The following AFF3 variants were observed in gnomAD, a reference collection of about 807,000 sequenced individuals.
AFF3 encodes ALF transcription elongation factor 3.
Under a neutral mutation model 129.7 loss-of-function variants are expected in AFF3, and 32 were observed. The observed-to-expected ratio is 0.25, with a 90% CI of 0.19 to 0.33. The LOEUF is 0.33. AFF3 is among the 10% of genes least tolerant of loss of function. The pLI is 1.00. For synonymous variants in AFF3, 644 were observed against 635.4 expected, an observed-to-expected ratio of 1.01 and a Z score of -0.20; for missense variants, 1,373 against 1,592.0, an observed-to-expected ratio of 0.86 and a Z score of 2.34.
chr2:99,653,090 A>C (rs530154672), intron 12 of AFF3, among the ~76,000 whole-genome samples: 151 of 152,282 alleles, frequency 9.9e-4, no homozygotes, highest in African/African-American at 3.5e-3. Flanking sequence ...CACTGCTGGC[A>C]GGTTTGTCTC....
chr2:99,704,286 T>A (rs35602593), intron 11 of AFF3, among the ~76,000 whole-genome samples: 1 of 152,034 alleles, frequency 6.6e-6, no homozygotes, highest in East Asian at 1.9e-4. Flanking sequence ...GAAGTTCCTT[T>A]AGCTATTCTT....
intron 7 of AFF3, among the ~76,000 whole-genome samples, chr2:99,907,709 G>A (rs1450966034): frequency 6.6e-6 from 1 of 151,962 alleles, no homozygotes; most frequent in African/African-American, 2.4e-5. Flanking sequence ...CACGATCCCA[G>A]CTTACTGCAA....
intron 4 of AFF3, among the ~76,000 whole-genome samples, chr2:100,090,144 C>T (rs1689728867): frequency 1.7e-5 from 2 of 119,158 alleles, no homozygotes; most frequent in South Asian, 6.7e-4. Flanking sequence ...GATGGTCTGA[C>T]TTTGTACAGA....
intron 4 of AFF3, among the ~76,000 whole-genome samples, chr2:100,030,987 CAGG>C (rs1007295898): frequency 6.6e-5 from 10 of 152,078 alleles, no homozygotes; most frequent in Non-Finnish European, 1.0e-4. Context: ...AAATCTCATT[CAGG>C]AGATTAGGGA....
intron 7 of AFF3, among the ~76,000 whole-genome samples, chr2:99,905,097 CCCCAA>C (rs893717762): frequency 7.2e-5 from 11 of 152,254 alleles, no homozygotes; most frequent in Middle Eastern, 6.8e-3. Context: ...ACCACCTCTG[CCCCAA>C]TGCTGAGACA....
intron 7 of AFF3, among the ~76,000 whole-genome samples, chr2:99,879,476 T>C (rs1387778767): frequency 1.3e-5 from 2 of 152,208 alleles, no homozygotes; most frequent in Admixed American, 6.5e-5. Flanking sequence ...TGTGTATCAG[T>C]ATTTCTTCTA....
At chr2:100,117,105 A>G (rs544602713) in intron 2 of AFF3, among the ~76,000 whole-genome samples, 1 of 152,220 alleles carries the variant, frequency 6.6e-6, no homozygotes, top group South Asian at 2.1e-4. Flanking sequence ...TAATGTACCT[A>G]GGTGTGGATT....
chr2:99,740,502 A>G lies in AFF3; in HGVS notation c.1039+3602T>C, dbSNP rs527803769. Among the ~76,000 whole-genome samples the G allele has an allele frequency of 2.8e-5, 4 of 143,906 alleles. No individual in the cohort carries two copies. The East Asian group carries it at 8.3e-4, about 30-fold the overall frequency. The allele number at this position is 143,906 out of a possible 152,430, so 94.4% of individuals were successfully genotyped here. A position where few individuals can be genotyped will look rare whatever the true frequency, so the allele number is the denominator to read the frequency against. On this transcript the variant is annotated intron_variant, in intron 10 of 24. Transcript: ENST00000672756. ...GTTTCCTGACTTTTTAATGATTGCC[A>G]TTCTAACTGGTGTGAGATGGTATCT...
At chr2:99,730,929 A>G (rs1007049951) in intron 10 of AFF3, among the ~76,000 whole-genome samples, 1 of 152,176 alleles carries the variant, frequency 6.6e-6, no homozygotes, top group South Asian at 2.1e-4. Flanking sequence ...AAATTCTGTT[A>G]GCCCTTCAAT....
chr2:100,056,061 TCTCACACA>T (rs1325973433), intron 4 of AFF3, among the ~76,000 whole-genome samples: 3,935 of 133,522 alleles, frequency 0.029, 110 homozygotes, highest in African/African-American at 0.077. Flanking sequence ...GCTGTCTCTC[TCTCACACA>T]CACACACACA....
chr2:100,086,414 G>A (rs1290364993), intron 4 of AFF3, among the ~76,000 whole-genome samples: 1 of 152,002 alleles, frequency 6.6e-6, no homozygotes, highest in African/African-American at 2.4e-5. Flanking sequence ...CCAGCTACTT[G>A]GGAGGCTGAG....
intron 11 of AFF3, among the ~76,000 whole-genome samples, chr2:99,724,266 CCTTT>C (rs1181076747): frequency 3.4e-5 from 1 of 29,002 alleles, no homozygotes; most frequent in Non-Finnish European, 6.1e-5. Flanking sequence ...AGTGGAATGA[CCTTT>C]CTTTTTTTTT....
chr2:99,960,716 G>A (rs760265743), intron 7 of AFF3, among the ~76,000 whole-genome samples: 1 of 152,096 alleles, frequency 6.6e-6, no homozygotes, highest in African/African-American at 2.4e-5. Flanking sequence ...CTAGGACAGG[G>A]GTCCTCCAAA....
At chr2:99,911,242 G>A (rs1436426620) in intron 7 of AFF3, among the ~76,000 whole-genome samples, 3 of 152,244 alleles carry the variant, frequency 2.0e-5, no homozygotes, top group Admixed American at 6.5e-5. Context: ...TGCATGATTA[G>A]CCGGGCATGG....
rs930179370 is a variant in AFF3, at chr2:99,593,869, C to A, written c.1792G>T (p.Asp598Tyr). ...TRRTERTSAG[D>Y]GANCHRPEEP... is the part of the protein sequence containing the mutation. Reference sequence around the variant, plus strand: ...TCGGGCCGGTGGCAGTTGGCGCCGTCCCCGGCTGAGGTCCTCTCGGTGCGC... The same window carrying A: ...TCGGGCCGGTGGCAGTTGGCGCCGTACCCGGCTGAGGTCCTCTCGGTGCGC... Residue 598 changes from aspartate (D) to tyrosine (Y), a missense_variant, in exon 15 of 25, where the codon GAC (aspartate) becomes TAC (tyrosine). Asp to Tyr is a radical substitution (Grantham distance 160). This residue lies in a region of AFF3 where 466 missense variants were observed against 505.0 expected (regional missense o/e 0.92). Coordinates refer to ENST00000672756, the MANE Select transcript of AFF3 (RefSeq NM_001386135.1). 5.1e-6 allele frequency: 8 copies of A among 1,566,806 alleles called. No homozygotes were observed. The African/African-American group carries it at 5.5e-5, about 11-fold the overall frequency.
At chr2:99,808,506 G>C (rs889907589) in intron 8 of AFF3, among the ~76,000 whole-genome samples, 1 of 152,100 alleles carries the variant, frequency 6.6e-6, no homozygotes, top group African/African-American at 2.4e-5. Flanking sequence ...AAGAAAACTA[G>C]TGATTACAAC....
At chr2:99,956,437 T>C (rs1162331946) in intron 7 of AFF3, among the ~76,000 whole-genome samples, 1 of 152,046 alleles carries the variant, frequency 6.6e-6, no homozygotes, top group Non-Finnish European at 1.5e-5. Flanking sequence ...GCCACTGAAG[T>C]TGGAGGGGGG....
At chr2:100,099,290 T>C (rs979199917) in intron 4 of AFF3, among the ~76,000 whole-genome samples, 10 of 152,090 alleles carry the variant, frequency 6.6e-5, no homozygotes, top group African/African-American at 2.4e-4. Flanking sequence ...CAGGGATCTG[T>C]AGCATTTTCT....
At chr2:99,977,163 G>A (rs770747003) in intron 7 of AFF3, among the ~76,000 whole-genome samples, 2 of 152,180 alleles carry the variant, frequency 1.3e-5, no homozygotes, top group Non-Finnish European at 2.9e-5. Context: ...CTGAAGTCAG[G>A]AGGATAAATC....
Sources: allele counts gnomAD v4.1 joint callset (sites outside exome capture counted in the v4.1 genomes callset), GRCh38; gene constraint gnomAD v4.1.1; regional missense constraint gnomAD v4.1.1; transcripts MANE v1.5; gene names NCBI Gene and HGNC (gene_info 2026-07-23, HGNC 2026-07-21).